The following DHRS12 variants were observed in gnomAD, a reference collection of about 807,000 sequenced individuals.
DHRS12 encodes the protein dehydrogenase/reductase SDR family member 12.
A neutral mutation model predicts 32.1 loss-of-function variants in DHRS12; 29 were observed. That is an observed-to-expected ratio of 0.90 (90% CI 0.67 to 1.23). The LOEUF (loss-of-function observed/expected upper bound fraction) is 1.23, where lower values mean the gene tolerates loss of function less well. DHRS12 is among the 50% of genes most tolerant of loss of function. The pLI, the probability that DHRS12 is intolerant of heterozygous loss-of-function variation, is 0.00. For missense variants in DHRS12, 330 were observed against 337.2 expected, an observed-to-expected ratio of 0.98 and a Z score of 0.17; for synonymous variants, 150 against 135.9, an observed-to-expected ratio of 1.10 and a Z score of -0.72.
At chr13:51,769,662 A>G (rs1305619372) in intron 7 of DHRS12, among the ~76,000 whole-genome samples, 1 of 152,198 alleles carries the variant, frequency 6.6e-6, no homozygotes, top group Non-Finnish European at 1.5e-5. Flanking sequence ...CAAACCACTT[A>G]GTCTCCTGGG....
At position 51,779,006 on chromosome 13, in the gene DHRS12, T is replaced by A. The variant is rs139676788; in HGVS notation, c.302-1885A>T. The stretch of plus-strand genomic sequence containing the variant: ...AATCCCAGAGAGGTTCAGTGACTTA[T>A]CCAAAGTCCCAGCAAGTTCATACAA... On this transcript the variant is annotated intron_variant, in intron 4 of 8. Coordinates refer to ENST00000444610, the MANE Select transcript of DHRS12 (RefSeq NM_001377533.1). Among the ~76,000 whole-genome samples the A allele has an allele frequency of 8.6e-4, 131 of 152,266 alleles. 1 individual carries two copies. The highest frequency in any genetic ancestry group is 3.1e-3 in the African/African-American group (128 of 41,542).
intron 2 of DHRS12, among the ~76,000 whole-genome samples, chr13:51,793,945 G>A (rs2139338569): frequency 6.6e-6 from 1 of 152,368 alleles, no homozygotes; most frequent in South Asian, 2.1e-4. Flanking sequence ...GTGAAAAGGA[G>A]GCAATAGCAG....
intron 1 of DHRS12, among the ~76,000 whole-genome samples, chr13:51,801,332 G>A (rs544651480): frequency 2.8e-4 from 43 of 152,188 alleles, no homozygotes; most frequent in African/African-American, 9.6e-4. Flanking sequence ...GGTTATAAGC[G>A]CCCGTCACCA....
At chr13:51,772,264 A>AG (rs1263854578) in intron 6 of DHRS12, among the ~76,000 whole-genome samples, 2 of 152,164 alleles carry the variant, frequency 1.3e-5, no homozygotes, top group Non-Finnish European at 2.9e-5. Context: ...CACTGAGGGC[A>AG]GGGGTGGTAA....
intron 2 of DHRS12, among the ~76,000 whole-genome samples, chr13:51,793,568 C>T (rs1231396746): frequency 6.6e-6 from 1 of 152,204 alleles, no homozygotes; most frequent in Non-Finnish European, 1.5e-5. Flanking sequence ...TCAGCTTAAG[C>T]CTGGCCCAAC....
intron 5 of DHRS12, chr13:51,776,207 T>C (rs1954385595): frequency 6.6e-6 from 1 of 152,012 alleles, no homozygotes. Context: ...CCTACATGTA[T>C]TCTCCTATGG....
At position 51,782,088 on chromosome 13, in the gene DHRS12, C is replaced by T. The variant is rs146994822; in HGVS notation, c.302-4967G>A. Among the ~76,000 whole-genome samples the T allele has an allele frequency of 6.6e-5, 10 of 152,176 alleles. No individual in the cohort carries two copies. Among genetic ancestry groups the T allele is most frequent in the South Asian group, 2.1e-4 (1 of 4,818 alleles). ...AGGGGGTGTCAAGGACAAGCGGTGA[C>T]GGAGATGATGCTGGCCACTGGGGTG... On this transcript the variant is annotated intron_variant, in intron 4 of 8. Coordinates refer to ENST00000444610, the MANE Select transcript of DHRS12 (RefSeq NM_001377533.1). This position sits in a 1 kb window ranked among gnomAD's most constrained non-coding sequence, Gnocchi z 4.2.
intron 7 of DHRS12, chr13:51,770,715 C>T (rs1953969426): frequency 4.1e-6 from 4 of 985,530 alleles, no homozygotes; most frequent in Non-Finnish European, 4.8e-6. Flanking sequence ...CACAAAGCAC[C>T]AACACACACC....
At chr13:51,793,484 C>T (rs985175709) in intron 2 of DHRS12, among the ~76,000 whole-genome samples, 30 of 152,344 alleles carry the variant, frequency 2.0e-4, no homozygotes, top group African/African-American at 7.2e-4. Flanking sequence ...ATTGTTTTCT[C>T]ACCTGAGACA....
At chr13:51,759,216 G>A in the DHRS12 span, among the ~76,000 whole-genome samples, 1 of 152,110 alleles carries the variant, frequency 6.6e-6, no homozygotes, top group Non-Finnish European at 1.5e-5. Context: ...ATAAACTCTG[G>A]CAGCCTCAGG....
chr13:51,791,288 CT>C, intron 2 of DHRS12, 31 bp from the exon 3 acceptor site: 1 of 1,185,848 alleles, frequency 8.4e-7, no homozygotes, highest in Non-Finnish European at 1.2e-6. Flanking sequence ...AAAAAAAACC[CT>C]TTTTAAAAAG....
At chr13:51,759,634 T>G in the DHRS12 span, 1 of 950,424 alleles carries the variant, frequency 1.1e-6, no homozygotes, top group Non-Finnish European at 1.7e-6. Context: ...GTATAGTATG[T>G]GGTGGTTTGT....
chr13:51,783,273 C>A (rs1263412603), intron 4 of DHRS12, among the ~76,000 whole-genome samples: 1 of 152,062 alleles, frequency 6.6e-6, no homozygotes, highest in African/African-American at 2.4e-5. Flanking sequence ...ACTCCACCAG[C>A]CTCCCCTGTG....
In DHRS12 at chr13:51,782,632, C is replaced by G. The variant is rs9563071; in HGVS notation, c.302-5511G>C. On this transcript the variant is annotated intron_variant, in intron 4 of 8. Transcript: ENST00000444610. This position sits in a 1 kb window ranked among gnomAD's most constrained non-coding sequence, Gnocchi z 4.2. Reference sequence around the variant, plus strand: ...AGAGGCTGGTGGAGGAAGTGCTGTGCAGGCTTTTCTCCAGGGCCTAGCCAG... The same window carrying G: ...AGAGGCTGGTGGAGGAAGTGCTGTGGAGGCTTTTCTCCAGGGCCTAGCCAG... Among the ~76,000 whole-genome samples the G allele has an allele frequency of 0.28, 41,878 of 151,926 alleles. 6,329 individuals are homozygous for G. The highest frequency in any genetic ancestry group is 0.42 in the East Asian group (2,168 of 5,146).
rs1377649771 is a variant in DHRS12 at position 51,794,971 on chromosome 13, C to T, written c.127-3714G>A. ...ACTGGTGAGCCAGCAGTCTGCTCTA[C>T]AGTAACCAGTACTCCTTTCCCCAAG... On this transcript the variant is annotated intron_variant, in intron 2 of 8. Coordinates refer to ENST00000444610, the MANE Select transcript of DHRS12 (RefSeq NM_001377533.1). Among the ~76,000 whole-genome samples the T allele has an allele frequency of 2.6e-5, 4 of 152,110 alleles. No individual in the cohort carries two copies. In the South Asian group the frequency reaches 8.3e-4, roughly 32 times the overall value.
At chr13:51,770,998 A>G (rs1297531630) in intron 7 of DHRS12, 8 of 1,383,848 alleles carry the variant, frequency 5.8e-6, no homozygotes, top group Non-Finnish European at 7.5e-6. Context: ...AGTGATTTTC[A>G]GAAAGGCCAT....
chr13:51,766,532 G>A (rs538331211), downstream of DHRS12: 3 of 152,166 alleles, frequency 2.0e-5, no homozygotes, highest in Non-Finnish European at 2.9e-5. Flanking sequence ...GGACCCCTCC[G>A]GCATTTGCCA....
intron 1 of DHRS12, among the ~76,000 whole-genome samples, chr13:51,803,017 C>CACCCCTTTGAAAGAAAGAGGCT (rs1256495906): frequency 6.6e-6 from 1 of 152,202 alleles, no homozygotes; most frequent in Non-Finnish European, 1.5e-5. Context: ...TGCCAGAGGA[C>CACCCCTTTGAAAGAAAGAGGCT]ACCCCTTTGA....
chr13:51,781,183 T>C (rs1954686867), intron 4 of DHRS12, among the ~76,000 whole-genome samples: 1 of 152,160 alleles, frequency 6.6e-6, no homozygotes, highest in Non-Finnish European at 1.5e-5. Context: ...ATTTCAAAGA[T>C]TACATTACCT....
Sources: gnomAD v4.1 joint callset for allele counts (sites outside exome capture counted in the v4.1 genomes callset) on GRCh38, gnomAD v4.1.1 for gene constraint, Gnocchi (gnomAD v3.1) non-coding constraint, MANE v1.5 for transcripts, NCBI Gene and HGNC (gene_info 2026-07-23, HGNC 2026-07-21) for gene names.